Variants in RNF13 observed in about 807,000 individuals in gnomAD.
The protein encoded by RNF13 is E3 ubiquitin-protein ligase RNF13.
RNF13 carries 19 observed loss-of-function variants against 37.7 expected under a neutral mutation model. The observed-to-expected ratio is 0.50, with a 90% confidence interval of 0.35 to 0.74. The LOEUF is 0.74. Ranked by LOEUF, RNF13 falls within the 30% of genes least tolerant of loss-of-function variation. The pLI, the probability that RNF13 is intolerant of heterozygous loss-of-function variation, is 0.01. For synonymous variants in RNF13, 144 were observed against 157.8 expected (o/e 0.91, Z 0.65); for missense variants, 375 against 453.0 (o/e 0.83, Z 1.56).
intron 8 of RNF13, among the ~76,000 whole-genome samples, chr3:149,946,452 CT>C (rs1480237747): frequency 6.6e-6 from 1 of 152,148 alleles, no homozygotes. Flanking sequence ...TGGTCCTGGC[CT>C]TTTTTGTTGG....
At chr3:149,943,495 C>G (rs1720471893) in intron 8 of RNF13, among the ~76,000 whole-genome samples, 1 of 152,190 alleles carries the variant, frequency 6.6e-6, no homozygotes, top group African/African-American at 2.4e-5. Flanking sequence ...AGTGGTACAT[C>G]TGTTGCAACT....
At position 149,961,393 on chromosome 3, in the gene RNF13, A is replaced by G. The variant is rs953197024; in HGVS notation, c.*289A>G. 10 of 544,348 alleles carry G rather than the reference A, an allele frequency of 1.8e-5. No individual in the cohort carries two copies. Among genetic ancestry groups the G allele is most frequent in the African/African-American group, 5.7e-5 (3 of 53,074 alleles). The allele number at this position is 544,348 out of a possible 1,614,324, so 33.7% of individuals were successfully genotyped here. On this transcript the variant is annotated 3_prime_UTR_variant, in exon 10 of 10. Coordinates refer to ENST00000392894, the MANE Select transcript of RNF13 (RefSeq NM_183381.3). Reference sequence around the variant, plus strand: ...AAAAAAATCCTCAGTATAGCTTGCAATTAAGACCTAGATCACAGTATTTAA... The same window carrying G: ...AAAAAAATCCTCAGTATAGCTTGCAGTTAAGACCTAGATCACAGTATTTAA...
chr3:149,923,384 CCA>C (rs1347626774), intron 8 of RNF13, among the ~76,000 whole-genome samples: 3 of 151,998 alleles, frequency 2.0e-5, no homozygotes, highest in Non-Finnish European at 4.4e-5. Flanking sequence ...GCCACTGGGC[CCA>C]GCCTGGATTA....
At chr3:149,879,620 A>G (rs2108458026) in intron 4 of RNF13, among the ~76,000 whole-genome samples, 1 of 152,216 alleles carries the variant, frequency 6.6e-6, no homozygotes. Context: ...GTAATTCTTT[A>G]TCTTCAAGAT....
chr3:149,882,830 C>T (rs145946171), intron 4 of RNF13, among the ~76,000 whole-genome samples: 2 of 152,202 alleles, frequency 1.3e-5, no homozygotes, highest in East Asian at 3.9e-4. Context: ...TAAAATGTAT[C>T]AGGTTGTCAC....
intron 5 of RNF13, among the ~76,000 whole-genome samples, chr3:149,900,856 T>TGAGA (rs375684227): frequency 1.4e-4 from 21 of 151,496 alleles, no homozygotes; most frequent in Admixed American, 1.4e-3. Context: ...TGTGTGTGTG[T>TGAGA]GAGAGAGAGA....
At position 149,829,834 on chromosome 3, in the gene RNF13, T is replaced by C. The variant is rs143034506; in HGVS notation, c.-16-16177T>C. 2.0e-5 allele frequency among the ~76,000 whole-genome samples: 3 copies of C among 152,140 alleles called. No homozygotes were observed. The East Asian group carries it at 5.8e-4, about 29-fold the overall frequency. ...CGAATTATAGCTCCTATAAACCCCATGTGTTGTGGGAGGGACGTGGTGGGA... is the reference window on the plus strand; with the variant it reads ...CGAATTATAGCTCCTATAAACCCCACGTGTTGTGGGAGGGACGTGGTGGGA... On this transcript the variant is annotated intron_variant, in intron 1 of 9. Coordinates refer to ENST00000392894, the MANE Select transcript of RNF13 (RefSeq NM_183381.3).
At chr3:149,841,435 T>C (rs1722167549) in intron 1 of RNF13, among the ~76,000 whole-genome samples, 1 of 152,116 alleles carries the variant, frequency 6.6e-6, no homozygotes, top group Non-Finnish European at 1.5e-5. Context: ...TTTAATAAGA[T>C]TTGTAGTTTT....
At chr3:149,873,643 G>A (rs1044764758) in intron 4 of RNF13, among the ~76,000 whole-genome samples, 5 of 152,072 alleles carry the variant, frequency 3.3e-5, no homozygotes, top group Non-Finnish European at 7.4e-5. Context: ...CAAGATCTCT[G>A]TCTCCAGTGA....
chr3:149,880,287 G>A (rs1043027549), intron 4 of RNF13, among the ~76,000 whole-genome samples: 4 of 152,110 alleles, frequency 2.6e-5, no homozygotes, highest in African/African-American at 9.7e-5. Flanking sequence ...GTTAGGATGA[G>A]AAATCATTAA....
rs971813651 is a variant in RNF13 at position 149,955,601 on chromosome 3, A to C, written c.701-4455A>C. On this transcript the variant is annotated intron_variant, in intron 8 of 9. Transcript: ENST00000392894. ...ACAGGGCAATTAAAAAGAATTCAGT[A>C]CTAAGAAAAAAAAGCTGCTATTGTT... Among the ~76,000 whole-genome samples, 29 of 152,210 alleles carry C rather than the reference A, an allele frequency of 1.9e-4. 1 individual carries two copies. The highest frequency in any genetic ancestry group is 2.9e-5 in the Non-Finnish European group (2 of 68,020).
chr3:149,851,047 T>C (rs1723075056), intron 2 of RNF13: 1 of 152,220 alleles, frequency 6.6e-6, no homozygotes, highest in African/African-American at 2.4e-5. Flanking sequence ...AGTGACTGCA[T>C]TTAGATGCTT....
At chr3:149,925,755 A>G (rs1559955791) in intron 8 of RNF13, among the ~76,000 whole-genome samples, 1 of 152,168 alleles carries the variant, frequency 6.6e-6, no homozygotes, top group Non-Finnish European at 1.5e-5. Context: ...ATCATAGTAT[A>G]TAGCTATTTT....
In RNF13 at chr3:149,871,807, T is replaced by C. The variant is rs141014425; in HGVS notation, c.196-222T>C. On this transcript the variant is annotated intron_variant, in intron 3 of 9. Coordinates refer to ENST00000392894, the MANE Select transcript of RNF13 (RefSeq NM_183381.3). ...CCTGAGTTTGCTTATTATTATTATT[T>C]TTTTAACTTCAATACAAAAGATAGA... Among the ~76,000 whole-genome samples the C allele has an allele frequency of 2.8e-3, 425 of 152,310 alleles. 2 individuals are homozygous for C. The highest frequency in any genetic ancestry group is 9.8e-3 in the African/African-American group (406 of 41,566).
chr3:149,882,991 C>T (rs1044745241), intron 4 of RNF13, among the ~76,000 whole-genome samples: 1 of 152,062 alleles, frequency 6.6e-6, no homozygotes, highest in African/African-American at 2.4e-5. Flanking sequence ...TTAAAATAAG[C>T]CCCATATTTT....
At chr3:149,859,395 TATTC>T (rs1723991903) in intron 3 of RNF13, among the ~76,000 whole-genome samples, 2 of 152,210 alleles carry the variant, frequency 1.3e-5, no homozygotes, top group Non-Finnish European at 2.9e-5. Flanking sequence ...AATGGTTGCT[TATTC>T]ATTTATTAAA....
chr3:149,901,983 T>C (rs1008599665), intron 5 of RNF13, 89 bp from the exon 6 acceptor site: 2 of 520,950 alleles, frequency 3.8e-6, no homozygotes, highest in African/African-American at 4.0e-5. Flanking sequence ...TGTAATTGTT[T>C]CCAGTTGCAT....
chr3:149,890,082 C>T (rs1382653431), intron 4 of RNF13, among the ~76,000 whole-genome samples: 1 of 152,192 alleles, frequency 6.6e-6, no homozygotes, highest in Non-Finnish European at 1.5e-5. Flanking sequence ...ACTTTCCTAT[C>T]AAAACAAAGT....
At chr3:149,852,751 CAGAA>C (rs1360172660) in intron 3 of RNF13, among the ~76,000 whole-genome samples, 155 bp downstream of exon 3, 2 of 151,782 alleles carry the variant, frequency 1.3e-5, no homozygotes, top group East Asian at 3.9e-4. Context: ...CAAAAGATAT[CAGAA>C]AGAAAGTGAA....
Sources: gnomAD v4.1 joint callset for allele counts (sites outside exome capture counted in the v4.1 genomes callset) on GRCh38, gnomAD v4.1.1 for gene constraint, MANE v1.5 for transcripts, NCBI Gene and HGNC (gene_info 2026-07-23, HGNC 2026-07-21) for gene names.